KCNN2: variants seen among roughly 807,000 people sequenced by gnomAD.
The protein encoded by KCNN2 is small conductance calcium-activated potassium channel protein 2.
In KCNN2, 24 loss-of-function variants were observed where a neutral mutation model predicts 55.5. That is an observed-to-expected ratio of 0.43 (90% confidence interval 0.31 to 0.61). The LOEUF (loss-of-function observed/expected upper bound fraction) is 0.61, where lower values mean the gene tolerates loss of function less well. KCNN2 is among the 20% of genes least tolerant of loss of function. The pLI is 0.08. For missense variants in KCNN2, 754 were observed against 853.6 expected (o/e 0.88, Z 1.45); for synonymous variants, 431 against 336.1 (o/e 1.28, Z -3.09).
intron 2 of KCNN2, among the ~76,000 whole-genome samples, chr5:114,337,920 G>A (rs1484923410): frequency 6.6e-6 from 1 of 152,118 alleles, no homozygotes; most frequent in East Asian, 1.9e-4. Flanking sequence ...TGTCTGGATT[G>A]TACCTTTAAT....
At chr5:114,219,379 A>G (rs1754082971) in intron 1 of KCNN2, among the ~76,000 whole-genome samples, 1 of 152,154 alleles carries the variant, frequency 6.6e-6, no homozygotes, top group African/African-American at 2.4e-5. Context: ...CACCCAAACA[A>G]ATTGAAGGAC....
At chr5:114,209,945 G>C (rs1316741172) in intron 1 of KCNN2, among the ~76,000 whole-genome samples, 1 of 151,430 alleles carries the variant, frequency 6.6e-6, no homozygotes, top group Non-Finnish European at 1.5e-5. Flanking sequence ...TTTATTTTCA[G>C]TGCTTTCATT....
At chr5:114,388,638 T>C (rs1758356521) in intron 2 of KCNN2, among the ~76,000 whole-genome samples, 1 of 152,308 alleles carries the variant, frequency 6.6e-6, no homozygotes, top group Admixed American at 6.5e-5. Context: ...TTATGTTTAC[T>C]TCTTGCTGCA....
At position 114,404,842 on chromosome 5, in the gene KCNN2, C is replaced by G; in HGVS notation, c.1623C>G (p.Val541=). ...TATGGATAATTGCCGCATGGACTGT[C>G]CGAGCTTGTGAAAGGTAAGTTTGTT... ...ISLWIIAAWT[V]RACERYHDQQ... Residue 541 remains valine (V), a synonymous_variant, in exon 3 of 8, where the codon GTC becomes GTG. Coordinates refer to ENST00000673685, the MANE Select transcript of KCNN2 (RefSeq NM_021614.4). 6.2e-7 allele frequency: 1 copy of G among 1,605,440 alleles called. No individual in the cohort carries two copies. The highest frequency in any genetic ancestry group is 8.5e-7 in the Non-Finnish European group (1 of 1,173,678).
chr5:114,085,053 CATAT>C (rs57320559), intron 1 of KCNN2, among the ~76,000 whole-genome samples: 63,056 of 149,908 alleles, frequency 0.42, 13,569 homozygotes, highest in East Asian at 0.65. Flanking sequence ...TATATAGAGA[CATAT>C]ATATATATAT....
chr5:114,261,020 GT>G (rs1755098241), intron 2 of KCNN2, among the ~76,000 whole-genome samples: 1 of 152,176 alleles, frequency 6.6e-6, no homozygotes, highest in South Asian at 2.1e-4. Flanking sequence ...TTTTTCTGGT[GT>G]GGTTATATTA....
chr5:114,363,920 C>A lies in KCNN2; in HGVS notation c.1137C>A (p.Ser379=). 2 of 1,613,838 alleles carry A rather than the reference C, an allele frequency of 1.2e-6. No individual in the cohort carries two copies. The highest frequency in any genetic ancestry group is 1.7e-6 in the Non-Finnish European group (2 of 1,179,774). The change falls in exon 2 of 8, where the codon TCC becomes TCA. Residue 379 remains serine, a synonymous_variant. Transcript: ENST00000673685. The stretch of plus-strand genomic sequence containing the variant: ...CTGTGTTGCAGGCGTCGCTGTATTC[C>A]TTAGCTCTGAAATGCCTTATCAGTC... ...WGAYDKASLY[S]LALKCLISLS...
At chr5:114,188,707 T>G (rs749740017) in intron 1 of KCNN2, among the ~76,000 whole-genome samples, 3 of 147,288 alleles carry the variant, frequency 2.0e-5, no homozygotes, top group African/African-American at 4.9e-5. Flanking sequence ...TAAAATCTTT[T>G]TCATAATAGT....
intron 4 of KCNN2, among the ~76,000 whole-genome samples, chr5:114,471,153 CAAAT>C (rs1407607371): frequency 6.6e-6 from 1 of 152,108 alleles, no homozygotes; most frequent in African/African-American, 2.4e-5. Context: ...GGAATAATCA[CAAAT>C]AAGAATATAC....
At chr5:114,214,182 T>A (rs1003886232) in intron 1 of KCNN2, among the ~76,000 whole-genome samples, 4 of 152,004 alleles carry the variant, frequency 2.6e-5, no homozygotes, top group African/African-American at 7.2e-5. Context: ...ATGCCATTAG[T>A]AAATAGCTTC....
At chr5:114,171,262 T>C (rs1397339770) in intron 1 of KCNN2, among the ~76,000 whole-genome samples, 2 of 151,962 alleles carry the variant, frequency 1.3e-5, no homozygotes, top group Non-Finnish European at 2.9e-5. Context: ...TAAAAAATAA[T>C]AACAACATAA....
intron 1 of KCNN2, among the ~76,000 whole-genome samples, chr5:114,116,496 A>G (rs1028817663): frequency 2.0e-5 from 3 of 152,102 alleles, no homozygotes; most frequent in Non-Finnish European, 4.4e-5. Flanking sequence ...TTCCTCATGT[A>G]TATAGTATAT....
chr5:114,257,768 C>A (rs1290056147), intron 2 of KCNN2, among the ~76,000 whole-genome samples: 4 of 152,054 alleles, frequency 2.6e-5, no homozygotes, highest in African/African-American at 9.7e-5. Context: ...TGAGGGTTTT[C>A]TAGGTATAAG....
intron 2 of KCNN2, among the ~76,000 whole-genome samples, chr5:114,226,948 T>C (rs943824141): frequency 5.4e-5 from 8 of 149,030 alleles, no homozygotes; most frequent in African/African-American, 1.7e-4. Flanking sequence ...AAATAACAAA[T>C]GAGTATCTAA....
chr5:114,483,051 G>GAA (rs1232747490), intron 5 of KCNN2, among the ~76,000 whole-genome samples: 1 of 142,830 alleles, frequency 7.0e-6, no homozygotes. Flanking sequence ...AAATTTGAAG[G>GAA]AAAAAAAAAA....
chr5:114,084,483 T>G (rs539866756), intron 1 of KCNN2, among the ~76,000 whole-genome samples: 1 of 152,244 alleles, frequency 6.6e-6, no homozygotes, highest in Admixed American at 6.5e-5. Flanking sequence ...GTGAGGTATC[T>G]GTTCAGATCT....
intron 5 of KCNN2, among the ~76,000 whole-genome samples, chr5:114,478,757 A>C (rs11241279): frequency 6.6e-6 from 1 of 151,966 alleles, no homozygotes; most frequent in Non-Finnish European, 1.5e-5. Context: ...CAACATTCTT[A>C]AAGAATTTCC....
chr5:114,107,989 G>T (rs542753206), intron 1 of KCNN2, among the ~76,000 whole-genome samples: 14 of 152,048 alleles, frequency 9.2e-5, no homozygotes, highest in African/African-American at 3.1e-4. Context: ...TTGAAGCTTT[G>T]TTTTTTAACT....
At chr5:114,265,209 A>T (rs1394818663) in intron 2 of KCNN2, among the ~76,000 whole-genome samples, 4 of 148,140 alleles carry the variant, frequency 2.7e-5, no homozygotes, top group African/African-American at 1.0e-4. Context: ...CAGAAAACTG[A>T]CCTCTTCTTC....
Sources: gnomAD v4.1 joint callset for allele counts (sites outside exome capture counted in the v4.1 genomes callset) on GRCh38, gnomAD v4.1.1 for gene constraint, MANE v1.5 for transcripts, NCBI Gene and HGNC (gene_info 2026-07-23, HGNC 2026-07-21) for gene names.